Variants in ARHGAP23 observed in about 807,000 individuals in gnomAD.
ARHGAP23 encodes Rho GTPase activating protein 23.
In ARHGAP23, 34 loss-of-function variants were observed where a neutral mutation model predicts 136.3. The observed-to-expected ratio is 0.25, with a 90% confidence interval of 0.19 to 0.33. The LOEUF is 0.33. Ranked by LOEUF, ARHGAP23 falls within the 10% of genes least tolerant of loss-of-function variation. The probability of loss-of-function intolerance (pLI) is 1.00; values close to 1 mark genes in which losing one functional copy is unlikely to be tolerated. For synonymous variants in ARHGAP23, 832 were observed against 920.5 expected (o/e 0.90, Z 1.74); for missense variants, 1,808 against 2,139.0 (o/e 0.85, Z 3.05).
In ARHGAP23 at chr17:38,500,581, T is replaced by A; in HGVS notation, c.3416-16T>A. On this transcript the variant is annotated splice_polypyrimidine_tract_variant and intron_variant, in intron 22 of 23. Transcript: ENST00000622683. ...CTGATGCAACTTTCATTTTTTTTTC[T>A]GTCTTTCACCAACAGATTCTACCAC... 6.5e-7 allele frequency: 1 copy of A among 1,548,734 alleles called. No homozygotes were observed. The highest frequency in any genetic ancestry group is 8.7e-7 in the Non-Finnish European group (1 of 1,146,128).
intron 17 of ARHGAP23, among the ~76,000 whole-genome samples, chr17:38,487,335 A>G (rs1385991944): frequency 6.6e-6 from 1 of 152,210 alleles, no homozygotes; most frequent in Non-Finnish European, 1.5e-5. Flanking sequence ...GTTGTCTTCA[A>G]ATGTTTGCTA....
Position 38,510,269 on chromosome 17 carries a change from G to A in ARHGAP23, c.3773G>A (p.Arg1258His), listed in dbSNP as rs1438059162. 7 of 1,302,136 alleles carry A rather than the reference G, an allele frequency of 5.4e-6. No homozygotes were observed. Among genetic ancestry groups the A allele is most frequent in the Non-Finnish European group, 5.8e-6 (6 of 1,026,468 alleles). The allele number at this position is 1,302,136 out of a possible 1,614,324, so 80.7% of individuals were successfully genotyped here. A position where few individuals can be genotyped will look rare whatever the true frequency, so the allele number is the denominator to read the frequency against. Residue 1258 changes from arginine (R) to histidine (H), a missense_variant, in exon 24 of 24, where the codon CGC becomes CAC. Arg to His is a conservative substitution (Grantham distance 29, BLOSUM62 0). Transcript: ENST00000622683. This position sits in a 1 kb window ranked among gnomAD's most constrained non-coding sequence, Gnocchi z 4.6. Reference sequence around the variant, plus strand: ...TACTCCACCCTGTCCACCATGGACCGCAGCGTGTGCTCGGGCGCTAGCGGT... The same window carrying A: ...TACTCCACCCTGTCCACCATGGACCACAGCGTGTGCTCGGGCGCTAGCGGT... ...SGYSTLSTMDRSVCSGASGRR... is the reference protein window; with the variant it reads ...SGYSTLSTMDHSVCSGASGRR...
At chr17:38,456,610 G>A (rs1357833334) in intron 1 of ARHGAP23, among the ~76,000 whole-genome samples, 1 of 152,140 alleles carries the variant, frequency 6.6e-6, no homozygotes, top group East Asian at 1.9e-4. Flanking sequence ...ATGATGTTAT[G>A]GATTTAAGAG....
At chr17:38,481,178 G>A (rs1339894931) in intron 14 of ARHGAP23, among the ~76,000 whole-genome samples, 2 of 150,476 alleles carry the variant, frequency 1.3e-5, no homozygotes, top group African/African-American at 2.5e-5. Context: ...ACGGAGTCTC[G>A]CTCTGTTGCC....
chr17:38,422,160 A>T (rs2038526250), intron 1 of ARHGAP23, among the ~76,000 whole-genome samples: 1 of 152,186 alleles, frequency 6.6e-6, no homozygotes, highest in Non-Finnish European at 1.5e-5. Flanking sequence ...TTCGGCTAGA[A>T]TCCTGAATCC....
chr17:38,510,602 T>TGGAGGCGCTGCGTC lies in ARHGAP23; in HGVS notation c.4107_4120dup (p.Leu1374ArgfsTer6). On this transcript the variant is annotated frameshift_variant, in exon 24 of 24. Transcript: ENST00000622683. LOFTEE classifies it high-confidence loss of function. This position sits in a 1 kb window ranked among gnomAD's most constrained non-coding sequence, Gnocchi z 4.6. ...GCGCTGGCCTCCCGGCCCTCGCGCA[T>TGGAGGCGCTGCGTC]GGAGGCGCTGCGTCTAAGGCTCCGC... is the stretch of plus-strand genomic sequence containing the variant. 2.3e-6 allele frequency: 3 copies of TGGAGGCGCTGCGTC among 1,287,146 alleles called. No individual in the cohort carries two copies. The highest frequency in any genetic ancestry group is 2.9e-6 in the Non-Finnish European group (3 of 1,021,596). The allele number at this position is 1,287,146 out of a possible 1,614,324, so 79.7% of individuals were successfully genotyped here. A position where few individuals can be genotyped will look rare whatever the true frequency, so the allele number is the denominator to read the frequency against.
chr17:38,466,951 G>GC lies in ARHGAP23; in HGVS notation c.1271dup (p.Ser425IlefsTer64), dbSNP rs1237099228. 1 of 1,550,416 alleles carries GC rather than the reference G, an allele frequency of 6.4e-7. No homozygotes were observed. Among genetic ancestry groups the GC allele is most frequent in the African/African-American group, 1.4e-5 (1 of 73,064 alleles). Reference sequence around the variant, plus strand: ...GGGTACATCGGCTACCGGAGCTACAGCCCATCATTCCAGCGCCGGACCGGC... The same window carrying GC: ...GGGTACATCGGCTACCGGAGCTACAGCCCCATCATTCCAGCGCCGGACCGGC... On this transcript the variant is annotated frameshift_variant, in exon 7 of 24. Coordinates refer to ENST00000622683, the MANE Select transcript of ARHGAP23 (RefSeq NM_001199417.2). LOFTEE classifies it high-confidence loss of function.
intron 23 of ARHGAP23, among the ~76,000 whole-genome samples, chr17:38,501,652 A>G (rs1413755524): frequency 6.6e-6 from 1 of 152,134 alleles, no homozygotes; most frequent in Non-Finnish European, 1.5e-5. Flanking sequence ...CATAAATTCA[A>G]TAACTTAGGT....
intron 22 of ARHGAP23, chr17:38,499,075 T>A (rs2040462142): frequency 1.5e-6 from 1 of 664,100 alleles, no homozygotes; most frequent in African/African-American, 1.8e-5. Context: ...ACATGCCAGT[T>A]ACCCCTGCCT....
In ARHGAP23 at chr17:38,466,787, G is replaced by T; in HGVS notation, c.1104G>T (p.Gly368=). The part of the protein sequence containing the change: ...ATRSAEALGP[G]ALVSPRFERC... ...GTTCTGCCGAGGCACTGGGGCCAGGGGCACTGGTGTCACCCCGCTTTGAGC... is the reference window on the plus strand; with the variant it reads ...GTTCTGCCGAGGCACTGGGGCCAGGTGCACTGGTGTCACCCCGCTTTGAGC... Residue 368 remains glycine (G), a synonymous_variant, in exon 7 of 24, where the codon GGG becomes GGT. Coordinates refer to ENST00000622683, the MANE Select transcript of ARHGAP23 (RefSeq NM_001199417.2). The T allele has an allele frequency of 6.5e-7, 1 of 1,549,282 alleles. No homozygotes were observed.
At position 38,492,128 on chromosome 17, in the gene ARHGAP23, C is replaced by G. The variant is rs537341588; in HGVS notation, c.3276+596C>G. ...CATGGCTTCCTGGATGCCAACAGCC[C>G]TGGTCCTGTAGGTTCTTGTTACTGT... On this transcript the variant is annotated intron_variant, in intron 20 of 23. Transcript: ENST00000622683. Among the ~76,000 whole-genome samples the G allele has an allele frequency of 3.3e-5, 5 of 152,322 alleles. No homozygotes were observed. In the East Asian group the frequency reaches 9.6e-4, roughly 29 times the overall value.
intron 23 of ARHGAP23, among the ~76,000 whole-genome samples, chr17:38,507,976 C>T (rs555064049): frequency 2.0e-5 from 3 of 152,358 alleles, no homozygotes; most frequent in Non-Finnish European, 4.4e-5. Context: ...GTCATTCCAG[C>T]CCAAGACAGG....
chr17:38,510,023 G>T lies in ARHGAP23; in HGVS notation c.3527G>T (p.Arg1176Leu), dbSNP rs1215117362. The part of the protein sequence containing the change: ...ISFISAVNRK[R>L]KKRREARGLG... ...TTCATCTCGGCCGTCAACCGCAAGC[G>T]CAAGAAGCGGCGGGAGGCGCGGGGG... Residue 1176 changes from arginine to leucine, a missense_variant, in exon 24 of 24, where the codon CGC becomes CTC. Physicochemically the swap from Arg to Leu is moderately radical, Grantham distance 102 (BLOSUM62 -2). Around this residue, in one of 7 missense-constraint regions of ARHGAP23, gnomAD observed 104 missense variants for 131.8 expected, o/e 0.79. Transcript: ENST00000622683. The surrounding 1 kb of genome is among the most constrained non-coding windows in gnomAD (Gnocchi z 4.6). The T allele has an allele frequency of 1.6e-6, 2 of 1,246,888 alleles. No homozygotes were observed. The highest frequency in any genetic ancestry group is 1.5e-5 in the African/African-American group (1 of 64,532). 77.2% of individuals were successfully genotyped at this position (1,246,888 alleles called of 1,614,324 possible).
intron 11 of ARHGAP23, among the ~76,000 whole-genome samples, chr17:38,474,068 C>T (rs907143212): frequency 6.6e-6 from 1 of 152,184 alleles, no homozygotes; most frequent in African/African-American, 2.4e-5. Context: ...CTACAGGCGC[C>T]TGCTACCACA....
rs2039377447 is a variant in ARHGAP23, at chr17:38,458,273, G to A, written c.225+10G>A. On this transcript the variant is annotated intron_variant, in intron 2 of 23. Transcript: ENST00000622683. ...GCACTGCAGCCTGAAGGTATGCCCG[G>A]CTCGCCGCTGCCCTGGTCTGGGGAA... 2.7e-6 allele frequency: 4 copies of A among 1,504,844 alleles called. No homozygotes were observed. The highest frequency in any genetic ancestry group is 2.8e-5 in the African/African-American group (2 of 72,246). The allele number at this position is 1,504,844 out of a possible 1,614,324, so 93.2% of individuals were successfully genotyped here.
rs887507454 is a variant in ARHGAP23 at position 38,444,501 on chromosome 17, C to A, written c.64-13601C>A. 3.3e-5 allele frequency among the ~76,000 whole-genome samples: 5 copies of A among 152,232 alleles called. 1 individual carries two copies. The highest frequency in any genetic ancestry group is 3.3e-4 in the Admixed American group (5 of 15,294). ...GCCCCCACACTGAGCCAGGTTTCTGCCAAGAAAACTCTTCCAAGTTCCTGC... is the reference window on the plus strand; with the variant it reads ...GCCCCCACACTGAGCCAGGTTTCTGACAAGAAAACTCTTCCAAGTTCCTGC... On this transcript the variant is annotated intron_variant, in intron 1 of 23. Transcript: ENST00000622683.
At chr17:38,489,840 G>T (rs2040233326) in intron 17 of ARHGAP23, 1 of 437,938 alleles carries the variant, frequency 2.3e-6, no homozygotes, top group Admixed American at 3.6e-5. Context: ...GGATCAGCAT[G>T]CAGCTCAGAT....
chr17:38,424,382 C>T (rs1380102870), upstream of ARHGAP23, among the ~76,000 whole-genome samples: 1 of 152,168 alleles, frequency 6.6e-6, no homozygotes, highest in Non-Finnish European at 1.5e-5. Context: ...TGTTAATGCT[C>T]AGTGGGCAGA....
intron 1 of ARHGAP23, among the ~76,000 whole-genome samples, chr17:38,438,193 C>T (rs971188044): frequency 3.9e-5 from 6 of 151,938 alleles, no homozygotes; most frequent in South Asian, 4.2e-4. Context: ...TGGTGGCATG[C>T]GCCTTTAGTC....
Sources: allele counts gnomAD v4.1 joint callset (sites outside exome capture counted in the v4.1 genomes callset), GRCh38; gene constraint gnomAD v4.1.1; regional missense constraint gnomAD v4.1.1; non-coding constraint Gnocchi (gnomAD v3.1); transcripts MANE v1.5; gene names NCBI Gene and HGNC (gene_info 2026-07-23, HGNC 2026-07-21).